Variants in ST3GAL3 observed in about 807,000 individuals in gnomAD.
ST3GAL3 encodes CMP-N-acetylneuraminate-beta-1,4-galactoside alpha-2,3-sialyltransferase.
Under a neutral mutation model 50.1 loss-of-function variants are expected in ST3GAL3, and 21 were observed. The ratio of observed to expected loss-of-function variants is 0.42; its 90% confidence interval spans 0.30 to 0.60. The LOEUF (loss-of-function observed/expected upper bound fraction) is 0.60. Ranked by LOEUF, ST3GAL3 falls within the 20% of genes least tolerant of loss-of-function variation. The pLI, the probability that ST3GAL3 is intolerant of heterozygous loss-of-function variation, is 0.19. For missense variants in ST3GAL3, 353 were observed against 489.4 expected (o/e 0.72, Z 2.63); for synonymous variants, 183 against 190.0 (o/e 0.96, Z 0.30).
At chr1:43,884,566 C>T (rs2075677047) in intron 5 of ST3GAL3, among the ~76,000 whole-genome samples, 2 of 152,268 alleles carry the variant, frequency 1.3e-5, no homozygotes, top group South Asian at 2.1e-4. Flanking sequence ...TATGTCTATC[C>T]CACCACTACT....
At chr1:43,730,375 C>T (rs181253693) in intron 1 of ST3GAL3, among the ~76,000 whole-genome samples, 1 of 152,198 alleles carries the variant, frequency 6.6e-6, no homozygotes, top group East Asian at 1.9e-4. Context: ...TGGTGCCAGC[C>T]ACTTCTGCCC....
At chr1:43,928,529 G>A (rs2084427650) in intron 11 of ST3GAL3, among the ~76,000 whole-genome samples, 1 of 152,068 alleles carries the variant, frequency 6.6e-6, no homozygotes, top group Non-Finnish European at 1.5e-5. Context: ...GAACCCGGGG[G>A]GCGGAGGTTG....
chr1:43,859,298 C>T (rs990472358), intron 5 of ST3GAL3, among the ~76,000 whole-genome samples: 2 of 152,158 alleles, frequency 1.3e-5, no homozygotes, highest in Admixed American at 6.5e-5. Context: ...GCGGAAGTTT[C>T]CTACACTGGA....
chr1:43,825,706 A>G (rs2154187652), intron 4 of ST3GAL3, among the ~76,000 whole-genome samples: 1 of 152,298 alleles, frequency 6.6e-6, no homozygotes, highest in East Asian at 1.9e-4. Context: ...GCAGATGAGT[A>G]GTGACATAAT....
intron 2 of ST3GAL3, among the ~76,000 whole-genome samples, chr1:43,747,184 C>T (rs1044693721): frequency 1.3e-5 from 2 of 152,114 alleles, no homozygotes; most frequent in African/African-American, 4.8e-5. Context: ...CCAAGGCGGG[C>T]AGATCACCAG....
chr1:43,831,639 C>T (rs1390944672), intron 4 of ST3GAL3: 2 of 152,206 alleles, frequency 1.3e-5, no homozygotes, highest in Admixed American at 1.3e-4. Flanking sequence ...GTGATCTTCT[C>T]CCTTCATTTC....
chr1:43,796,232 C>A (rs545694093), intron 3 of ST3GAL3, among the ~76,000 whole-genome samples: 20 of 152,312 alleles, frequency 1.3e-4, no homozygotes, highest in African/African-American at 4.3e-4. Context: ...TGCTTGGCCC[C>A]AGATTTGAGT....
intron 11 of ST3GAL3, among the ~76,000 whole-genome samples, chr1:43,925,150 CGTG>C (rs1391237451): frequency 1.5e-4 from 23 of 151,876 alleles, no homozygotes; most frequent in Admixed American, 1.5e-3. Flanking sequence ...ATTAGCCAGG[CGTG>C]GTGGTGCATG....
intron 1 of ST3GAL3, among the ~76,000 whole-genome samples, chr1:43,718,778 C>T (rs1237175958): frequency 6.6e-6 from 1 of 151,052 alleles, no homozygotes; most frequent in Non-Finnish European, 1.5e-5. Flanking sequence ...ACCTCCACCT[C>T]CCAGGTTCAC....
intron 5 of ST3GAL3, chr1:43,858,006 G>T: frequency 6.1e-6 from 3 of 495,236 alleles, no homozygotes; most frequent in Middle Eastern, 3.8e-4. Flanking sequence ...AAAACCAACC[G>T]ATCCCTCTTC....
At chr1:43,741,499 C>T (rs1426956057) in intron 2 of ST3GAL3, among the ~76,000 whole-genome samples, 1 of 152,140 alleles carries the variant, frequency 6.6e-6, no homozygotes, top group Non-Finnish European at 1.5e-5. Context: ...CTGGAGAATA[C>T]TCTCTGGCAC....
At chr1:43,798,756 A>G (rs575381414) in intron 3 of ST3GAL3, among the ~76,000 whole-genome samples, 3 of 152,178 alleles carry the variant, frequency 2.0e-5, no homozygotes, top group East Asian at 3.9e-4. Flanking sequence ...CACACTGTCA[A>G]TCTCCCCTAC....
At chr1:43,875,175 A>C (rs1481194233) in intron 5 of ST3GAL3, among the ~76,000 whole-genome samples, 2 of 152,154 alleles carry the variant, frequency 1.3e-5, no homozygotes, top group African/African-American at 4.8e-5. Flanking sequence ...TAAGGAAGTA[A>C]AGGACAGTGA....
At chr1:43,770,932 C>T (rs1486047878) in intron 2 of ST3GAL3, among the ~76,000 whole-genome samples, 1 of 152,234 alleles carries the variant, frequency 6.6e-6, no homozygotes, top group African/African-American at 2.4e-5. Context: ...CTCTCATGGC[C>T]TACAAGGCCC....
Position 43,929,976 on chromosome 1 carries a change from C to T in ST3GAL3, c.1039-156C>T, listed in dbSNP as rs552734545. 6 of 771,136 alleles carry T rather than the reference C, an allele frequency of 7.8e-6. No individual in the cohort carries two copies. In the East Asian group the frequency reaches 9.8e-5, roughly 13 times the overall value. The allele number at this position is 771,136 out of a possible 1,614,324, so 47.8% of individuals were successfully genotyped here. A position where few individuals can be genotyped will look rare whatever the true frequency, so the allele number is the denominator to read the frequency against. On this transcript the variant is annotated intron_variant, in intron 11 of 11. Coordinates refer to ENST00000347631, the MANE Select transcript of ST3GAL3 (RefSeq NM_006279.5). ...TGTGGCACTCCTAGAGCAGGGTCAT[C>T]ATTACCGTGTAGACACAACTGATTA...
In ST3GAL3 at chr1:43,792,150, G is replaced by A. The variant is rs148531289; in HGVS notation, c.166+1G>A. ...TCCGCTGGACAAACACTAGGCTCAG[G>A]TACCAACTCTTCCCCCTCTATCATC... On this transcript the variant is annotated splice_donor_variant, in intron 3 of 11. Transcript: ENST00000347631. LOFTEE classifies it high-confidence loss of function. The A allele has an allele frequency of 2.5e-5, 41 of 1,614,162 alleles. No homozygotes were observed. The highest frequency in any genetic ancestry group is 3.4e-5 in the Non-Finnish European group (40 of 1,180,040).
chr1:43,906,222 TCCC>T (rs1261672858), intron 9 of ST3GAL3, among the ~76,000 whole-genome samples: 1 of 77,796 alleles, frequency 1.3e-5, no homozygotes, highest in Non-Finnish European at 2.5e-5. Flanking sequence ...CCACTCTTCC[TCCC>T]CCTCCTCCTG....
intron 5 of ST3GAL3, chr1:43,841,495 A>C (rs936323556): frequency 3.3e-5 from 5 of 152,338 alleles, no homozygotes; most frequent in African/African-American, 1.2e-4. Context: ...TGCATTCTTC[A>C]AAGTGGCAGC....
intron 11 of ST3GAL3, among the ~76,000 whole-genome samples, chr1:43,922,887 G>A (rs1185671713): frequency 6.6e-6 from 1 of 151,834 alleles, no homozygotes; most frequent in Non-Finnish European, 1.5e-5. Flanking sequence ...GGATCACAAG[G>A]TCAGAAGATC....
Sources: allele counts gnomAD v4.1 joint callset (sites outside exome capture counted in the v4.1 genomes callset), GRCh38; gene constraint gnomAD v4.1.1; transcripts MANE v1.5; gene names NCBI Gene and HGNC (gene_info 2026-07-23, HGNC 2026-07-21).